Variants in ZFTRAF1 observed in about 807,000 individuals in gnomAD.
The protein encoded by ZFTRAF1 is zinc finger TRAF-type and ring finger containing 1.
chr8:144,459,702 C>T, the ZFTRAF1 span, among the ~76,000 whole-genome samples: 1 of 152,222 alleles, frequency 6.6e-6, no homozygotes, highest in South Asian at 2.1e-4. Context: ...GGAGTTGTCC[C>T]CCACAGCCCC....
chr8:144,459,295 A>C, the ZFTRAF1 span, among the ~76,000 whole-genome samples: 140,543 of 152,072 alleles, frequency 0.92, 65,660 homozygotes, highest in Non-Finnish European at 1. Flanking sequence ...GCACAGGTGT[A>C]ACTGCTGCCC....
the ZFTRAF1 span, chr8:144,452,290 C>T: frequency 3.9e-5 from 59 of 1,507,628 alleles, no homozygotes; most frequent in Non-Finnish European, 5.1e-5. Flanking sequence ...CCTGCTGCCC[C>T]CAGACTCCTG....
the ZFTRAF1 span, chr8:144,456,638 A>G: frequency 6.6e-6 from 1 of 152,216 alleles, no homozygotes; most frequent in Admixed American, 6.5e-5. Flanking sequence ...GGGGGATGAC[A>G]TCATGGGCGA....
At chr8:144,453,404 G>A in the ZFTRAF1 span, 2 of 1,551,098 alleles carry the variant, frequency 1.3e-6, no homozygotes, top group Non-Finnish European at 8.7e-7. Context: ...CCTTCAGCCG[G>A]GCATCTGCTA....
At chr8:144,450,543 C>A in the ZFTRAF1 span, 1 of 718,260 alleles carries the variant, frequency 1.4e-6, no homozygotes, top group Middle Eastern at 2.3e-4. Flanking sequence ...CTCACGTCGT[C>A]GTAGGGGCCC....
At chr8:144,452,277 G>T in the ZFTRAF1 span, 1 of 1,466,194 alleles carries the variant, frequency 6.8e-7, no homozygotes. Context: ...CCAGTGCCCA[G>T]AGCCTGCTGC....
chr8:144,451,734 C>A, the ZFTRAF1 span: 1 of 161,688 alleles, frequency 6.2e-6, no homozygotes, highest in South Asian at 1.7e-4. Context: ...CTCCCCGACA[C>A]GTTCAAAGGC....
At chr8:144,452,310 C>CCCCCAA in the ZFTRAF1 span, 1 of 1,537,974 alleles carries the variant, frequency 6.5e-7, no homozygotes, top group Non-Finnish European at 8.7e-7. Context: ...GGCTGCCAGC[C>CCCCCAA]CCCCAACCCA....
chr8:144,450,835 C>T, the ZFTRAF1 span: 8 of 630,330 alleles, frequency 1.3e-5, 1 homozygote, highest in South Asian at 1.4e-4. Flanking sequence ...GCAGCAACGC[C>T]TTCCCTGACC....
the ZFTRAF1 span, chr8:144,451,086 C>T: frequency 1.9e-5 from 6 of 324,126 alleles, no homozygotes; most frequent in Non-Finnish European, 2.9e-5. Context: ...CCCGGGTGTC[C>T]CCCAGGGCGG....
chr8:144,461,827 G>C, the ZFTRAF1 span, among the ~76,000 whole-genome samples: 3 of 152,164 alleles, frequency 2.0e-5, no homozygotes, highest in African/African-American at 7.2e-5. Context: ...ACAAACTCGG[G>C]GGTGTGGCTG....
the ZFTRAF1 span, among the ~76,000 whole-genome samples, chr8:144,461,024 G>A: frequency 6.6e-6 from 1 of 152,242 alleles, no homozygotes; most frequent in Non-Finnish European, 1.5e-5. Context: ...CAGTGGCTCT[G>A]AAAAGTGCTC....
the ZFTRAF1 span, chr8:144,453,711 G>C: frequency 2.2e-6 from 1 of 457,802 alleles, no homozygotes; most frequent in Non-Finnish European, 4.0e-6. Context: ...AGCTCACAGA[G>C]GTGACAGCTC....
At chr8:144,450,093 G>A in the ZFTRAF1 span, 20 of 440,774 alleles carry the variant, frequency 4.5e-5, no homozygotes, top group Admixed American at 6.3e-4. Flanking sequence ...CGGCCTCCTT[G>A]CTGCCACCGT....
chr8:144,462,358 CCCGCTGCCGGCCGCCG>C, the ZFTRAF1 span: 1 of 490,206 alleles, frequency 2.0e-6, no homozygotes, highest in Admixed American at 3.1e-5. Flanking sequence ...CCTCCAGTTT[CCCGCTGCCGGCCGCCG>C]CCGCCGCCGC....
At chr8:144,461,747 C>T in the ZFTRAF1 span, among the ~76,000 whole-genome samples, 1 of 152,080 alleles carries the variant, frequency 6.6e-6, no homozygotes. Context: ...GGAAATGGAC[C>T]AAGAGAAAGG....
At chr8:144,458,135 G>C in the ZFTRAF1 span, among the ~76,000 whole-genome samples, 2 of 152,214 alleles carry the variant, frequency 1.3e-5, no homozygotes. Flanking sequence ...GGACTGGCAC[G>C]TTGTCCAAGG....
chr8:144,460,081 G>A, the ZFTRAF1 span, among the ~76,000 whole-genome samples: 3 of 152,230 alleles, frequency 2.0e-5, no homozygotes, highest in South Asian at 2.1e-4. Context: ...CAGGTCTCCA[G>A]GTCTGTGTTG....
At chr8:144,461,526 G>A in the ZFTRAF1 span, among the ~76,000 whole-genome samples, 2 of 152,224 alleles carry the variant, frequency 1.3e-5, no homozygotes, top group South Asian at 2.1e-4. Flanking sequence ...TGGGGGAGGA[G>A]GGGTGGGCCG....
Sources: gnomAD v4.1 joint callset for allele counts (sites outside exome capture counted in the v4.1 genomes callset) on GRCh38, gnomAD v4.1.1 for gene constraint, MANE v1.5 for transcripts, NCBI Gene and HGNC (gene_info 2026-07-23, HGNC 2026-07-21) for gene names.